The following EPHB1 variants were observed in gnomAD, a reference collection of about 807,000 sequenced individuals.
EPHB1 encodes the protein ephrin type-B receptor 1.
In EPHB1, 30 loss-of-function variants were observed where a neutral mutation model predicts 94.4. The ratio of observed to expected loss-of-function variants is 0.32; its 90% CI spans 0.24 to 0.43. The LOEUF (loss-of-function observed/expected upper bound fraction) is 0.43, where lower values mean the gene tolerates loss of function less well. EPHB1 is among the 20% of genes least tolerant of loss of function. EPHB1 has a pLI of 1.00. For synonymous variants in EPHB1, 522 were observed against 489.1 expected (o/e 1.07, Z -0.89); for missense variants, 1,055 against 1,308.3 (o/e 0.81, Z 2.99).
intron 1 of EPHB1, among the ~76,000 whole-genome samples, chr3:134,874,971 G>A (rs898547180): frequency 6.6e-6 from 1 of 152,224 alleles, no homozygotes; most frequent in African/African-American, 2.4e-5. Context: ...GAGGGAGACA[G>A]TCACTTTGTT....
At chr3:135,195,533 G>A (rs1293590769) in intron 11 of EPHB1, among the ~76,000 whole-genome samples, 2 of 149,216 alleles carry the variant, frequency 1.3e-5, no homozygotes, top group African/African-American at 2.5e-5. Context: ...CCCTTCCTGT[G>A]TCCATGTGAT....
intron 3 of EPHB1, among the ~76,000 whole-genome samples, chr3:134,967,426 A>G (rs538022208): frequency 6.6e-6 from 1 of 152,246 alleles, no homozygotes; most frequent in Non-Finnish European, 1.5e-5. Flanking sequence ...TTGCTAGGTG[A>G]TTGGATCATG....
intron 12 of EPHB1, among the ~76,000 whole-genome samples, chr3:135,210,458 G>C (rs1164329947): frequency 6.6e-6 from 1 of 152,174 alleles, no homozygotes; most frequent in Non-Finnish European, 1.5e-5. Flanking sequence ...GCGTGCAAAT[G>C]TACTTCATTT....
chr3:134,954,335 T>A (rs556390124), intron 3 of EPHB1, among the ~76,000 whole-genome samples: 8 of 152,300 alleles, frequency 5.3e-5, no homozygotes, highest in African/African-American at 1.4e-4. Flanking sequence ...GGGTGGGAAG[T>A]GCATTTGGAA....
At chr3:135,072,205 A>AC (rs1937742486) in intron 3 of EPHB1, among the ~76,000 whole-genome samples, 1 of 151,914 alleles carries the variant, frequency 6.6e-6, no homozygotes, top group African/African-American at 2.4e-5. Flanking sequence ...ACATGGTGAA[A>AC]CCCCATCTCT....
chr3:135,183,038 C>CTTTTCTTTTCTTTTCT (rs1403004752), intron 10 of EPHB1, among the ~76,000 whole-genome samples: 1 of 65,710 alleles, frequency 1.5e-5, no homozygotes, highest in Non-Finnish European at 3.1e-5. Context: ...TTCTTTCTTT[C>CTTTTCTTTTCTTTTCT]TTTCTTTCTT....
At chr3:135,213,241 G>A (rs1010304711) in intron 12 of EPHB1, among the ~76,000 whole-genome samples, 5 of 152,080 alleles carry the variant, frequency 3.3e-5, no homozygotes, top group African/African-American at 7.2e-5. Flanking sequence ...TGAACAGATC[G>A]AATTTTCTCC....
At chr3:135,186,252 G>A (rs1324904894) in intron 10 of EPHB1, among the ~76,000 whole-genome samples, 2 of 152,200 alleles carry the variant, frequency 1.3e-5, no homozygotes, top group Non-Finnish European at 2.9e-5. Context: ...TGTCAAGCAG[G>A]TTCCATCTCA....
At chr3:135,159,430 C>A (rs929745553) in intron 6 of EPHB1, among the ~76,000 whole-genome samples, 2 of 152,212 alleles carry the variant, frequency 1.3e-5, no homozygotes, top group Admixed American at 6.5e-5. Flanking sequence ...CAGCCAGTGC[C>A]TGATTTCAGC....
chr3:135,224,702 C>T (rs568089673), intron 12 of EPHB1, among the ~76,000 whole-genome samples: 12 of 152,234 alleles, frequency 7.9e-5, no homozygotes, highest in East Asian at 3.9e-4. Context: ...ATTATCACAA[C>T]GGGAAAATAA....
At chr3:135,031,192 T>G (rs909113572) in intron 3 of EPHB1, among the ~76,000 whole-genome samples, 3 of 152,222 alleles carry the variant, frequency 2.0e-5, no homozygotes, top group African/African-American at 7.2e-5. Flanking sequence ...TTCTGTGTCG[T>G]CAGGCTGAGA....
intron 1 of EPHB1, among the ~76,000 whole-genome samples, chr3:134,811,256 T>TTGGTTTTTG (rs537684783): frequency 0.029 from 3,857 of 134,922 alleles, 215 homozygotes; most frequent in African/African-American, 0.067. Flanking sequence ...TTTTTTTTTT[T>TTGGTTTTTG]TTTTTTTCTG....
intron 1 of EPHB1, among the ~76,000 whole-genome samples, chr3:134,824,122 G>GC (rs1439242642): frequency 2.3e-5 from 3 of 130,074 alleles, no homozygotes; most frequent in Non-Finnish European, 3.2e-5. Flanking sequence ...AAAGGATAAT[G>GC]CCCTTTTTTT....
intron 1 of EPHB1, among the ~76,000 whole-genome samples, chr3:134,832,881 C>T (rs1418152469): frequency 6.6e-6 from 1 of 152,236 alleles, no homozygotes; most frequent in Non-Finnish European, 1.5e-5. Context: ...CGCTGCAATT[C>T]AGTGTATTTA....
chr3:135,199,454 G>C (rs1942702452), intron 11 of EPHB1, among the ~76,000 whole-genome samples: 1 of 152,206 alleles, frequency 6.6e-6, no homozygotes, highest in Admixed American at 6.5e-5. Flanking sequence ...GCAACGTGCT[G>C]AAAACCAGTC....
In EPHB1 at chr3:134,882,811, TTTC is replaced by T. The variant is rs1244489014; in HGVS notation, c.59-43002_59-43000del. Among the ~76,000 whole-genome samples, 217 of 82,658 alleles carry T rather than the reference TTTC, an allele frequency of 2.6e-3. 6 individuals are homozygous for T. The highest frequency in any genetic ancestry group is 5.5e-3 in the South Asian group (10 of 1,830). 54.2% of individuals were successfully genotyped at this position (82,658 alleles called of 152,430 possible). A position where few individuals can be genotyped will look rare whatever the true frequency, so the allele number is the denominator to read the frequency against. The stretch of plus-strand genomic sequence containing the variant: ...CTTTCTTTCTTTCTTTCTTTCTTTC[TTTC>T]TTTCTTTCTTTTCTTTCTTTCTTTC... On this transcript the variant is annotated intron_variant, in intron 1 of 15. Transcript: ENST00000398015.
chr3:135,005,176 C>T (rs1002436494), intron 3 of EPHB1, among the ~76,000 whole-genome samples: 9 of 152,162 alleles, frequency 5.9e-5, no homozygotes, highest in Non-Finnish European at 1.2e-4. Flanking sequence ...TTCCTTCTAA[C>T]AGACAGGACC....
chr3:135,055,641 T>C (rs1021878754), intron 3 of EPHB1, among the ~76,000 whole-genome samples: 6 of 152,178 alleles, frequency 3.9e-5, no homozygotes, highest in Non-Finnish European at 7.3e-5. Flanking sequence ...CAAGTTGCTT[T>C]CTAAAAGGTA....
At chr3:135,000,507 A>G (rs1935138173) in intron 3 of EPHB1, among the ~76,000 whole-genome samples, 1 of 152,222 alleles carries the variant, frequency 6.6e-6, no homozygotes, top group African/African-American at 2.4e-5. Flanking sequence ...AGGACCTGCA[A>G]ATTGGCTTTT....
Sources: gnomAD v4.1 joint callset for allele counts (sites outside exome capture counted in the v4.1 genomes callset) on GRCh38, gnomAD v4.1.1 for gene constraint, MANE v1.5 for transcripts, NCBI Gene and HGNC (gene_info 2026-07-23, HGNC 2026-07-21) for gene names.